The following KIF25 variants were observed in gnomAD, a reference collection of about 807,000 sequenced individuals.
KIF25 encodes the protein kinesin family member 25.
A neutral mutation model predicts 32.9 loss-of-function variants in KIF25; 19 were observed. The ratio of observed to expected loss-of-function variants is 0.58; its 90% CI spans 0.40 to 0.85. The LOEUF (loss-of-function observed/expected upper bound fraction) is 0.85. KIF25 is among the 40% of genes least tolerant of loss of function. The pLI is 0.00. For missense variants in KIF25, 485 were observed against 507.0 expected (o/e 0.96, Z 0.42); for synonymous variants, 225 against 213.7 (o/e 1.05, Z -0.46).
intron 7 of KIF25, among the ~76,000 whole-genome samples, chr6:168,031,613 T>A (rs1040988792): frequency 6.6e-6 from 1 of 152,250 alleles, no homozygotes; most frequent in Non-Finnish European, 1.5e-5. Context: ...CTGCTTCAAC[T>A]CTTCCTCCAG....
Position 168,044,448 on chromosome 6 carries a change from C to A in KIF25, c.986-379C>A, listed in dbSNP as rs1384010504. Among the ~76,000 whole-genome samples the A allele has an allele frequency of 1.2e-4, 17 of 136,368 alleles. 1 individual carries two copies. The highest frequency in any genetic ancestry group is 2.5e-4 in the Non-Finnish European group (16 of 63,856). 89.5% of individuals were successfully genotyped at this position (136,368 alleles called of 152,430 possible). A position where few individuals can be genotyped will look rare whatever the true frequency, so the allele number is the denominator to read the frequency against. The stretch of plus-strand genomic sequence containing the variant: ...GGGGTGCTAGTGACCGGCTGCTGAC[C>A]CTCCGGGACCTGGGTGAGGGGTGCT... On this transcript the variant is annotated intron_variant, in intron 12 of 12. Transcript: ENST00000643607.
chr6:168,040,886 G>A (rs1583147167), intron 10 of KIF25, among the ~76,000 whole-genome samples: 1 of 152,254 alleles, frequency 6.6e-6, no homozygotes, highest in Non-Finnish European at 1.5e-5. Context: ...AATGATTCCA[G>A]TTATGTAACA....
At chr6:168,007,323 A>T (rs928283891) in intron 4 of KIF25, among the ~76,000 whole-genome samples, 3 of 152,174 alleles carry the variant, frequency 2.0e-5, no homozygotes, top group Non-Finnish European at 4.4e-5. Flanking sequence ...GAGGTAGGAG[A>T]TCGCTTGAAT....
chr6:168,031,064 T>C lies in KIF25; in HGVS notation c.167+217T>C, dbSNP rs78052683. On this transcript the variant is annotated intron_variant, in intron 7 of 12. Transcript: ENST00000643607. ...GTGAGAATGATTTGGAGAATGCTTGTTAAATGAGCATATCCACCTGGGATT... is the reference window on the plus strand; with the variant it reads ...GTGAGAATGATTTGGAGAATGCTTGCTAAATGAGCATATCCACCTGGGATT... Among the ~76,000 whole-genome samples the C allele has an allele frequency of 5.0e-3, 756 of 152,312 alleles. 6 individuals carry two copies. Among genetic ancestry groups the C allele is most frequent in the African/African-American group, 0.018 (728 of 41,562 alleles).
Position 168,038,622 on chromosome 6 carries a change from C to T in KIF25, c.387C>T (p.Asp129=). The part of the protein sequence containing the change: ...EVSIVEVYNN[D]IFDLLAKDSI... ...CCATAGTGGAAGTTTACAATAATGACATTTTTGACCTTCTGGCCAAAGACA... is the reference window on the plus strand; with the variant it reads ...CCATAGTGGAAGTTTACAATAATGATATTTTTGACCTTCTGGCCAAAGACA... The change falls in exon 9 of 13, where the codon GAC becomes GAT. Residue 129 remains aspartate, a synonymous_variant. Coordinates refer to ENST00000643607, the MANE Select transcript of KIF25 (RefSeq NM_030615.4). 1 of 1,614,162 alleles carries T rather than the reference C, an allele frequency of 6.2e-7. No homozygotes were observed.
At chr6:167,999,395 GCCGTCTA>G (rs1160347549) in intron 2 of KIF25, 75 bp downstream of exon 2, 1 of 152,282 alleles carries the variant, frequency 6.6e-6, no homozygotes, top group Non-Finnish European at 1.5e-5. Context: ...AATTTTAAAT[GCCGTCTA>G]CTGTCCTGTC....
intron 8 of KIF25, among the ~76,000 whole-genome samples, chr6:168,035,083 C>G (rs1019692420): frequency 8.3e-6 from 1 of 119,786 alleles, no homozygotes; most frequent in Non-Finnish European, 1.8e-5. Flanking sequence ...GTAGAAAAAA[C>G]AAAGGCTCAG....
chr6:168,035,678 C>T (rs571286999), intron 8 of KIF25: 4 of 455,450 alleles, frequency 8.8e-6, no homozygotes, highest in Admixed American at 2.4e-5. Context: ...TCAGTCGCCT[C>T]GTTTCTAAAA....
intron 6 of KIF25, 148 bp from the exon 7 acceptor site, chr6:168,030,625 A>T: frequency 1.8e-6 from 1 of 567,636 alleles, no homozygotes; most frequent in Non-Finnish European, 3.1e-6. Flanking sequence ...TTGAAAAATA[A>T]CACAGATTAA....
intron 4 of KIF25, among the ~76,000 whole-genome samples, chr6:168,005,949 C>T (rs141722312): frequency 3.9e-5 from 6 of 152,310 alleles, no homozygotes; most frequent in African/African-American, 1.4e-4. Flanking sequence ...CCATCACAGA[C>T]CCCATCTACT....
chr6:168,038,915 T>G (rs1209471310), intron 9 of KIF25, among the ~76,000 whole-genome samples, 186 bp downstream of exon 9: 4 of 152,224 alleles, frequency 2.6e-5, no homozygotes, highest in Admixed American at 2.0e-4. Context: ...GTTTTCATGC[T>G]TCGTATGTGT....
chr6:168,000,713 G>A (rs2516804), intron 2 of KIF25, among the ~76,000 whole-genome samples: 37,880 of 149,776 alleles, frequency 0.25, 5,702 homozygotes, highest in Non-Finnish European at 0.36. Context: ...TGACCCTCCC[G>A]CCACTCCAAG....
At chr6:168,024,588 A>C (rs1020107973) in intron 5 of KIF25, among the ~76,000 whole-genome samples, 3 of 152,048 alleles carry the variant, frequency 2.0e-5, no homozygotes, top group Non-Finnish European at 2.9e-5. Flanking sequence ...TACAATGATA[A>C]GTAATATCAA....
rs1799149338 is a variant in KIF25, at chr6:168,042,845, G to T, written c.985+129G>T. The T allele has an allele frequency of 5.4e-6, 6 of 1,115,204 alleles. No individual in the cohort carries two copies. In the Admixed American group the frequency reaches 1.5e-4, roughly 27 times the overall value. The allele number at this position is 1,115,204 out of a possible 1,614,324, so 69.1% of individuals were successfully genotyped here. On this transcript the variant is annotated intron_variant, in intron 12 of 12. Transcript: ENST00000643607. ...CTGCACCTCCTGTGTCCTCGCTGTG[G>T]CTAGCTGGCACTCCCACGGCACGGT...
At chr6:168,009,461 A>G (rs929804050) in intron 4 of KIF25, among the ~76,000 whole-genome samples, 23 of 152,108 alleles carry the variant, frequency 1.5e-4, no homozygotes, top group African/African-American at 5.3e-4. Flanking sequence ...TGTGCTGTTC[A>G]ATGCAGTTTG....
At chr6:168,016,067 C>T (rs3807056) in intron 4 of KIF25, among the ~76,000 whole-genome samples, 52,206 of 151,908 alleles carry the variant, frequency 0.34, 9,215 homozygotes, top group South Asian at 0.42. Flanking sequence ...GAACGGTCCC[C>T]GAAGTGGACA....
At chr6:168,017,537 A>G (rs982043642) in intron 4 of KIF25, among the ~76,000 whole-genome samples, 3 of 152,246 alleles carry the variant, frequency 2.0e-5, no homozygotes, top group African/African-American at 7.2e-5. Flanking sequence ...TCCACTGGTT[A>G]CGATGGAATA....
At chr6:168,026,344 G>GT (rs1345692151) in intron 5 of KIF25, among the ~76,000 whole-genome samples, 20 of 152,202 alleles carry the variant, frequency 1.3e-4, no homozygotes, top group African/African-American at 4.8e-4. Context: ...GCTGTTAGAA[G>GT]TGAACAGAAA....
rs1489923946 is a variant in KIF25 at position 168,038,686 on chromosome 6, A to G, written c.451A>G (p.Thr151Ala). The G allele has an allele frequency of 6.2e-7, 1 of 1,614,150 alleles. No individual in the cohort carries two copies. The highest frequency in any genetic ancestry group is 8.5e-7 in the Non-Finnish European group (1 of 1,180,020). The change falls in exon 9 of 13, where the codon ACA becomes GCA. Residue 151 changes from threonine (T) to alanine (A), a missense_variant. By Grantham distance (58) the Thr-to-Ala change is moderately conservative. This residue lies in a region of KIF25 where 480 missense variants were observed against 470.3 expected (regional missense o/e 1.02). Transcript: ENST00000643607. ...GTCGGGGGTCAAGCGTGAGGTGGTG[A>G]CAGCCAAGGATGGACGGACAGAGGT... Reference protein sequence around the residue: ...AVSGVKREVVTAKDGRTEVAL... With the variant: ...AVSGVKREVVAAKDGRTEVAL...
Sources: allele counts gnomAD v4.1 joint callset (sites outside exome capture counted in the v4.1 genomes callset), GRCh38; gene constraint gnomAD v4.1.1; regional missense constraint gnomAD v4.1.1; transcripts MANE v1.5; gene names NCBI Gene and HGNC (gene_info 2026-07-23, HGNC 2026-07-21).